GREB1: variants seen among roughly 807,000 people sequenced by gnomAD.
GREB1 encodes growth regulating estrogen receptor binding 1.
In GREB1, 106 loss-of-function variants were observed where a neutral mutation model predicts 200.7. The observed-to-expected ratio is 0.53, with a 90% CI of 0.45 to 0.62. The LOEUF is 0.62. Among genes scored for constraint, GREB1 ranks in the 20% least tolerant of loss-of-function variants. GREB1 has a pLI of 0.00. For missense variants in GREB1, 2,243 were observed against 2,556.8 expected, an observed-to-expected ratio of 0.88 and a Z score of 2.65; for synonymous variants, 1,132 against 1,092.4, an observed-to-expected ratio of 1.04 and a Z score of -0.72.
At chr2:11,520,147 A>C (rs1375858330) in intron 1 of GREB1, among the ~76,000 whole-genome samples, 1 of 152,134 alleles carries the variant, frequency 6.6e-6, no homozygotes, top group East Asian at 1.9e-4. Context: ...CCTGCCACCA[A>C]AAAGTTAAAT....
Position 11,610,775 on chromosome 2 carries a change from G to A in GREB1, c.2754G>A (p.Pro918=), listed in dbSNP as rs369977260. The change falls in exon 18 of 33, where the codon CCG becomes CCA. Residue 918 remains proline (P), a synonymous_variant. Transcript: ENST00000381486. ...AAALMAVSGL[P]QMKNYTSVET... is the part of the protein sequence containing the mutation. The stretch of plus-strand genomic sequence containing the variant: ...CCCTGATGGCCGTAAGCGGCCTCCC[G>A]CAGATGAAGAACTACACGTCGGTGG... The A allele has an allele frequency of 4.3e-4, 693 of 1,613,554 alleles. 1 individual carries two copies. The highest frequency in any genetic ancestry group is 5.3e-4 in the Non-Finnish European group (630 of 1,179,990).
chr2:11,614,451 A>G (rs746958977), intron 19 of GREB1, among the ~76,000 whole-genome samples: 4 of 151,956 alleles, frequency 2.6e-5, no homozygotes, highest in Admixed American at 1.3e-4. Flanking sequence ...ATTCATTCCC[A>G]TCTTTCAGAT....
rs1684736067 is a variant in GREB1, at chr2:11,629,749, G to T, written c.4450-199G>T. ...GGATGGGAGCAGGCTCTCGTCGTGG[G>T]TGTGTGGCCTCGGGCGTGCTTGCCC... On this transcript the variant is annotated intron_variant, in intron 25 of 32. Coordinates refer to ENST00000381486, the MANE Select transcript of GREB1 (RefSeq NM_014668.4). The surrounding 1 kb of genome is among the most constrained non-coding windows in gnomAD (Gnocchi z 5.2). Among the ~76,000 whole-genome samples, 1 of 152,176 alleles carries T rather than the reference G, an allele frequency of 6.6e-6. No homozygotes were observed. Among genetic ancestry groups the T allele is most frequent in the African/African-American group, 2.4e-5 (1 of 41,430 alleles).
chr2:11,573,253 A>G (rs1678497286), intron 4 of GREB1, among the ~76,000 whole-genome samples: 1 of 152,174 alleles, frequency 6.6e-6, no homozygotes, highest in South Asian at 2.1e-4. Context: ...TTGTTAAACA[A>G]ATGCTACCTG....
intron 1 of GREB1, among the ~76,000 whole-genome samples, chr2:11,519,598 G>A (rs1296310769): frequency 6.6e-6 from 1 of 151,702 alleles, no homozygotes; most frequent in Non-Finnish European, 1.5e-5. Context: ...TTGGATTACA[G>A]GCACCTGCCA....
upstream of GREB1, among the ~76,000 whole-genome samples, chr2:11,530,874 C>T (rs1486989611): frequency 6.6e-6 from 1 of 151,950 alleles, no homozygotes; most frequent in Non-Finnish European, 1.5e-5. Flanking sequence ...TGTGGGAAGG[C>T]TGTGTGGGGG....
In GREB1 at chr2:11,637,734, G is replaced by A. The variant is rs553020411; in HGVS notation, c.5365G>A (p.Ala1789Thr). The A allele has an allele frequency of 2.6e-5, 42 of 1,613,320 alleles. No individual in the cohort carries two copies. The highest frequency in any genetic ancestry group is 2.1e-4 in the African/African-American group (16 of 75,030). ...ITSKVSDNSA[A>T]VVPAQYICAP... Reference sequence around the variant, plus strand: ...CGTGCAGGTGTCTGATAACTCTGCCGCGGTCGTGCCGGCCCAGTACATCTG... The same window carrying A: ...CGTGCAGGTGTCTGATAACTCTGCCACGGTCGTGCCGGCCCAGTACATCTG... Residue 1789 changes from alanine (A) to threonine (T), a missense_variant, in exon 31 of 33, where the codon GCG (alanine) becomes ACG (threonine). Ala to Thr is a moderately conservative substitution (Grantham distance 58). This residue lies in a region of GREB1 where 478 missense variants were observed against 616.3 expected (regional missense o/e 0.78). Coordinates refer to ENST00000381486, the MANE Select transcript of GREB1 (RefSeq NM_014668.4).
At chr2:11,576,280 C>T in intron 4 of GREB1, 73 bp from the exon 5 acceptor site, 1 of 1,248,518 alleles carries the variant, frequency 8.0e-7, no homozygotes, top group Non-Finnish European at 1.1e-6. Flanking sequence ...GCATTCCAGC[C>T]TAGATGACAA....
At chr2:11,621,239 A>T (rs902111072) in intron 23 of GREB1, among the ~76,000 whole-genome samples, 6 of 152,144 alleles carry the variant, frequency 3.9e-5, no homozygotes, top group African/African-American at 1.4e-4. Flanking sequence ...AGTACCTTCC[A>T]CATGTGGAGC....
chr2:11,597,941 G>T lies in GREB1; in HGVS notation c.2115G>T (p.Val705=). 1 of 1,614,174 alleles carries T rather than the reference G, an allele frequency of 6.2e-7. No homozygotes were observed. Among genetic ancestry groups the T allele is most frequent in the South Asian group, 1.1e-5 (1 of 91,070 alleles). Residue 705 remains valine, a synonymous_variant, in exon 14 of 33, where the codon GTG becomes GTT. Coordinates refer to ENST00000381486, the MANE Select transcript of GREB1 (RefSeq NM_014668.4). The surrounding 1 kb of genome is among the most constrained non-coding windows in gnomAD (Gnocchi z 4.1). The part of the protein sequence containing the change: ...DFLICIPPSE[V]TYQQTLLHVW... ...TCATTTGCATTCCCCCCTCAGAAGTGACCTACCAGCAGACTCTGCTCCATG... is the reference window on the plus strand; with the variant it reads ...TCATTTGCATTCCCCCCTCAGAAGTTACCTACCAGCAGACTCTGCTCCATG...
intron 2 of GREB1, 25 bp downstream of exon 2, chr2:11,556,796 CTG>C (rs1347398947): frequency 6.3e-7 from 1 of 1,597,516 alleles, no homozygotes; most frequent in African/African-American, 1.3e-5. Flanking sequence ...TTGCTTTTAT[CTG>C]TGTATTTCTT....
intron 19 of GREB1, 93 bp from the exon 20 acceptor site, chr2:11,614,998 G>A: frequency 3.3e-6 from 3 of 921,630 alleles, no homozygotes; most frequent in South Asian, 2.8e-5. Flanking sequence ...AGGAAGGTGG[G>A]GTGTGGTCCC....
At chr2:11,514,487 C>G (rs1341508079) in intron 1 of GREB1, among the ~76,000 whole-genome samples, 1 of 152,192 alleles carries the variant, frequency 6.6e-6, no homozygotes, top group Admixed American at 6.5e-5. Context: ...GTTGTGTCCT[C>G]AGATGTATGT....
At chr2:11,501,839 TTTTTA>T (rs1459361606) in intron 1 of GREB1, among the ~76,000 whole-genome samples, 1 of 150,562 alleles carries the variant, frequency 6.6e-6, no homozygotes, top group Non-Finnish European at 1.5e-5. Context: ...CAGAGTTCCC[TTTTTA>T]TTTATGTTTG....
intron 23 of GREB1, among the ~76,000 whole-genome samples, chr2:11,623,628 C>G (rs200897735): frequency 3.9e-5 from 6 of 152,194 alleles, no homozygotes; most frequent in Non-Finnish European, 7.3e-5. Context: ...TGGTGGCTCA[C>G]GCCTGTAATC....
At chr2:11,561,412 G>A (rs1230894349) in intron 2 of GREB1, 1 of 148,146 alleles carries the variant, frequency 6.8e-6, no homozygotes, top group African/African-American at 2.5e-5. Context: ...TGCCCAGGCT[G>A]GAGTGCAGTG....
chr2:11,617,329 C>T (rs1276205856), intron 21 of GREB1, among the ~76,000 whole-genome samples: 4 of 152,196 alleles, frequency 2.6e-5, no homozygotes, highest in South Asian at 2.1e-4. Flanking sequence ...CAGGGGCCAC[C>T]GTCGGCCATC....
chr2:11,564,272 T>G lies in GREB1; in HGVS notation c.277+1690T>G, dbSNP rs370351017. Among the ~76,000 whole-genome samples, 12 of 152,242 alleles carry G rather than the reference T, an allele frequency of 7.9e-5. No individual in the cohort carries two copies. The East Asian group carries it at 2.3e-3, about 29-fold the overall frequency. Reference sequence around the variant, plus strand: ...GCATGATGACTGGGAGGGGAGGGACTCGGCCCTCGATGGGCTGCTCTTCCA... The same window carrying G: ...GCATGATGACTGGGAGGGGAGGGACGCGGCCCTCGATGGGCTGCTCTTCCA... On this transcript the variant is annotated intron_variant, in intron 3 of 32. Coordinates refer to ENST00000381486, the MANE Select transcript of GREB1 (RefSeq NM_014668.4).
In GREB1 at chr2:11,607,450, GTGTGTGTGTGTA is replaced by G. The variant is rs763327288; in HGVS notation, c.2667-3236_2667-3225del. Among the ~76,000 whole-genome samples the G allele has an allele frequency of 4.9e-3, 484 of 99,764 alleles. 2 individuals are homozygous for G. The highest frequency in any genetic ancestry group is 0.026 in the South Asian group (74 of 2,880). 65.4% of individuals were successfully genotyped at this position (99,764 alleles called of 152,430 possible). A position where few individuals can be genotyped will look rare whatever the true frequency, so the allele number is the denominator to read the frequency against. ...TGTATGTGTGTGTGTGTGTGTGTGT[GTGTGTGTGTGTA>G]TATATATATACACACACATACATAT... On this transcript the variant is annotated intron_variant, in intron 17 of 32. Coordinates refer to ENST00000381486, the MANE Select transcript of GREB1 (RefSeq NM_014668.4).
Sources: gnomAD v4.1 joint callset for allele counts (sites outside exome capture counted in the v4.1 genomes callset) on GRCh38, gnomAD v4.1.1 for gene constraint, gnomAD v4.1.1 regional missense constraint, Gnocchi (gnomAD v3.1) non-coding constraint, MANE v1.5 for transcripts, NCBI Gene and HGNC (gene_info 2026-07-23, HGNC 2026-07-21) for gene names.